Variants in LRFN5 observed in about 807,000 individuals in gnomAD.
LRFN5 encodes leucine-rich repeat and fibronectin type-III domain-containing protein 5.
A neutral mutation model predicts 45.6 loss-of-function variants in LRFN5; 24 were observed. The observed-to-expected ratio is 0.53, with a 90% confidence interval of 0.38 to 0.74. The LOEUF (loss-of-function observed/expected upper bound fraction) is 0.74, where lower values mean the gene tolerates loss of function less well. Ranked by LOEUF, LRFN5 falls within the 30% of genes least tolerant of loss-of-function variation. The pLI is 0.00. For missense variants in LRFN5, 776 were observed against 861.5 expected (o/e 0.90, Z 1.24); for synonymous variants, 340 against 313.8 (o/e 1.08, Z -0.88).
At chr14:41,881,581 T>C (rs567685779) in intron 2 of LRFN5, among the ~76,000 whole-genome samples, 10 of 152,058 alleles carry the variant, frequency 6.6e-5, no homozygotes, top group Non-Finnish European at 1.3e-4. Flanking sequence ...TATTTTTACT[T>C]CTACTATTTA....
At chr14:41,872,345 C>T (rs1205603441) in intron 2 of LRFN5, among the ~76,000 whole-genome samples, 1 of 152,112 alleles carries the variant, frequency 6.6e-6, no homozygotes, top group Non-Finnish European at 1.5e-5. Context: ...TATCTATAGA[C>T]ATATAGACTT....
intron 4 of LRFN5, chr14:41,894,724 A>T: frequency 1.0e-6 from 1 of 984,928 alleles, no homozygotes; most frequent in Non-Finnish European, 1.2e-6. Flanking sequence ...AGATGAATGA[A>T]TGAGTAAATG....
intron 2 of LRFN5, among the ~76,000 whole-genome samples, chr14:41,777,528 A>G (rs1053052654): frequency 1.3e-5 from 2 of 151,760 alleles, no homozygotes; most frequent in Non-Finnish European, 3.0e-5. Flanking sequence ...AAGTCTAACT[A>G]GTTTTAGTAG....
At chr14:41,845,688 G>A (rs547092389) in intron 2 of LRFN5, among the ~76,000 whole-genome samples, 5 of 151,930 alleles carry the variant, frequency 3.3e-5, no homozygotes. Context: ...AGATTATTAG[G>A]TGCAACTAGC....
chr14:41,632,805 G>A (rs1283510769), intron 1 of LRFN5, among the ~76,000 whole-genome samples: 1 of 151,944 alleles, frequency 6.6e-6, no homozygotes, highest in Non-Finnish European at 1.5e-5. Context: ...AGATTTTTAT[G>A]TTTATCTGCA....
At chr14:41,681,404 C>T (rs1030820905) in intron 1 of LRFN5, among the ~76,000 whole-genome samples, 2 of 152,098 alleles carry the variant, frequency 1.3e-5, no homozygotes, top group Admixed American at 1.3e-4. Flanking sequence ...AATGTAGCTC[C>T]ACTACCTCTG....
chr14:41,662,282 G>A (rs992172756), intron 1 of LRFN5, among the ~76,000 whole-genome samples: 5 of 151,948 alleles, frequency 3.3e-5, no homozygotes, highest in African/African-American at 1.2e-4. Flanking sequence ...AACCACCTAC[G>A]TCAGAATAAT....
chr14:41,791,949 T>A (rs1886936450), intron 2 of LRFN5, among the ~76,000 whole-genome samples: 1 of 152,238 alleles, frequency 6.6e-6, no homozygotes, highest in Admixed American at 6.5e-5. Flanking sequence ...TATGGTTGAA[T>A]AACAATTTAT....
intron 1 of LRFN5, among the ~76,000 whole-genome samples, chr14:41,704,430 C>CTGTGTGTGTGTGTGTG (rs1265063122): frequency 5.0e-5 from 2 of 40,140 alleles, no homozygotes; most frequent in African/African-American, 4.7e-4. Context: ...CTCTCTCTCT[C>CTGTGTGTGTGTGTGTG]TCTCTCTCTC....
At chr14:41,862,861 C>CTTTTTTT (rs536861522) in intron 2 of LRFN5, among the ~76,000 whole-genome samples, 3 of 110,220 alleles carry the variant, frequency 2.7e-5, no homozygotes, top group East Asian at 2.7e-4. Flanking sequence ...TTAAGTCTCT[C>CTTTTTTT]TTTTTTTTTT....
intron 3 of LRFN5, among the ~76,000 whole-genome samples, chr14:41,890,634 GA>G: frequency 6.6e-6 from 1 of 151,522 alleles, no homozygotes; most frequent in Middle Eastern, 3.4e-3. Flanking sequence ...GTGAACCCGG[GA>G]GGCGGAGCTT....
chr14:41,611,591 T>C (rs1477937420), intron 1 of LRFN5, among the ~76,000 whole-genome samples: 1 of 152,220 alleles, frequency 6.6e-6, no homozygotes, highest in Non-Finnish European at 1.5e-5. Context: ...AAAGAAGTTG[T>C]CACTTGATTC....
At chr14:41,619,283 G>A (rs1188905069) in intron 1 of LRFN5, among the ~76,000 whole-genome samples, 2 of 151,764 alleles carry the variant, frequency 1.3e-5, no homozygotes, top group Non-Finnish European at 2.9e-5. Flanking sequence ...TCTCATTTAT[G>A]TATCAAATTA....
At chr14:41,750,267 TTATATATATATA>T (rs60275061) in intron 1 of LRFN5, among the ~76,000 whole-genome samples, 4,524 of 144,364 alleles carry the variant, frequency 0.031, 212 homozygotes, top group African/African-American at 0.1. Flanking sequence ...GTAACTTTTC[TTATATATATATA>T]TATATATATA....
chr14:41,766,193 T>C (rs985929464), intron 1 of LRFN5, among the ~76,000 whole-genome samples: 41 of 152,182 alleles, frequency 2.7e-4, no homozygotes, highest in African/African-American at 8.7e-4. Context: ...ATTTGTACTA[T>C]TACATAGTAA....
intron 2 of LRFN5, among the ~76,000 whole-genome samples, chr14:41,842,262 A>G (rs1324156751): frequency 1.3e-5 from 2 of 152,096 alleles, no homozygotes; most frequent in Admixed American, 1.3e-4. Context: ...TCAGTATTCA[A>G]AAACTATTAT....
chr14:41,875,405 G>A (rs956589074), intron 2 of LRFN5, among the ~76,000 whole-genome samples: 3 of 152,214 alleles, frequency 2.0e-5, no homozygotes, highest in Non-Finnish European at 4.4e-5. Context: ...ACAATTTTCT[G>A]CAAGAAAGAA....
intron 1 of LRFN5, among the ~76,000 whole-genome samples, chr14:41,727,505 A>G (rs1883988824): frequency 6.6e-6 from 1 of 152,128 alleles, no homozygotes; most frequent in South Asian, 2.1e-4. Flanking sequence ...ACACTTGTGT[A>G]GTTCTAGCTA....
At chr14:41,722,907 C>T (rs1175725114) in intron 1 of LRFN5, among the ~76,000 whole-genome samples, 1 of 152,178 alleles carries the variant, frequency 6.6e-6, no homozygotes, top group Non-Finnish European at 1.5e-5. Flanking sequence ...CCTACAGTTT[C>T]CCTGCTGGCA....
Sources: allele counts gnomAD v4.1 joint callset (sites outside exome capture counted in the v4.1 genomes callset), GRCh38; gene constraint gnomAD v4.1.1; transcripts MANE v1.5; gene names NCBI Gene and HGNC (gene_info 2026-07-23, HGNC 2026-07-21).